Variants in MDGA2 observed in about 807,000 individuals in gnomAD.
MDGA2 encodes MAM domain containing glycosylphosphatidylinositol anchor 2.
In MDGA2, 40 loss-of-function variants were observed where a neutral mutation model predicts 117.8. That is an observed-to-expected ratio of 0.34 (90% CI 0.26 to 0.44). The LOEUF is 0.44. Among genes scored for constraint, MDGA2 ranks in the 20% least tolerant of loss-of-function variants. MDGA2 has a pLI of 1.00. For missense variants in MDGA2, 1,123 were observed against 1,250.6 expected, an observed-to-expected ratio of 0.90 and a Z score of 1.54; for synonymous variants, 452 against 439.0, an observed-to-expected ratio of 1.03 and a Z score of -0.37.
chr14:46,999,057 T>C (rs797000489), intron 8 of MDGA2, among the ~76,000 whole-genome samples: 7 of 152,192 alleles, frequency 4.6e-5, no homozygotes, highest in African/African-American at 1.4e-4. Flanking sequence ...TGAAAAATAT[T>C]ATCTCTGGCA....
chr14:46,871,911 G>A (rs1260630841), intron 14 of MDGA2: 1 of 401,664 alleles, frequency 2.5e-6, no homozygotes, highest in Non-Finnish European at 5.2e-6. Flanking sequence ...ATTTTGAGAG[G>A]CGAAGGTGGG....
chr14:47,577,087 T>C (rs914028939), intron 1 of MDGA2, among the ~76,000 whole-genome samples: 12 of 152,110 alleles, frequency 7.9e-5, no homozygotes, highest in Admixed American at 7.2e-4. Flanking sequence ...AAGTTAATCA[T>C]GTTACTGTGC....
intron 1 of MDGA2, chr14:47,343,036 A>AG: frequency 7.8e-7 from 1 of 1,277,382 alleles, no homozygotes; most frequent in South Asian, 1.2e-5. Flanking sequence ...AGAAGCAGGC[A>AG]GCACTACCGT....
chr14:47,030,058 C>T (rs188469640), intron 8 of MDGA2, among the ~76,000 whole-genome samples: 1 of 151,974 alleles, frequency 6.6e-6, no homozygotes, highest in East Asian at 2.0e-4. Flanking sequence ...AATCTCTTGA[C>T]CTCGTGATCC....
chr14:47,532,152 A>G (rs1477428908), intron 1 of MDGA2, among the ~76,000 whole-genome samples: 3 of 152,180 alleles, frequency 2.0e-5, no homozygotes, highest in African/African-American at 7.2e-5. Flanking sequence ...CTTCGCCTCT[A>G]CATATTTATG....
At chr14:46,859,248 A>G (rs1881409414) in intron 14 of MDGA2, among the ~76,000 whole-genome samples, 1 of 152,132 alleles carries the variant, frequency 6.6e-6, no homozygotes, top group South Asian at 2.1e-4. Context: ...TGAGACTTCA[A>G]TATTCCATGC....
intron 2 of MDGA2, among the ~76,000 whole-genome samples, chr14:47,280,879 A>C (rs1232175967): frequency 6.6e-6 from 1 of 150,622 alleles, no homozygotes. Context: ...TTCAGTATGA[A>C]TCTCTAACAA....
chr14:47,062,929 AAC>A (rs1357571883), intron 6 of MDGA2, among the ~76,000 whole-genome samples: 1 of 152,056 alleles, frequency 6.6e-6, no homozygotes, highest in Non-Finnish European at 1.5e-5. Flanking sequence ...AGATATCAAA[AAC>A]AATGTTTGTG....
chr14:47,021,305 GAAGCTAACCACAAAACAACCA>G (rs1476245357), intron 8 of MDGA2, among the ~76,000 whole-genome samples: 2 of 152,120 alleles, frequency 1.3e-5, no homozygotes, highest in East Asian at 3.9e-4. Context: ...ATTCTAAACA[GAAGCTAACCACAAAACAACCA>G]AAGGGAAAGA....
At chr14:47,407,059 A>T (rs1892274801) in intron 1 of MDGA2, among the ~76,000 whole-genome samples, 2 of 152,000 alleles carry the variant, frequency 1.3e-5, no homozygotes, top group South Asian at 4.1e-4. Flanking sequence ...TCAAAACATT[A>T]TGTAGGTTGT....
intron 1 of MDGA2, among the ~76,000 whole-genome samples, chr14:47,350,306 T>C (rs768981556): frequency 2.0e-5 from 3 of 152,140 alleles, no homozygotes; most frequent in Non-Finnish European, 2.9e-5. Context: ...TCTCATTTTC[T>C]GGGTGGAGTA....
At chr14:47,596,363 A>C (rs1314875598) in intron 1 of MDGA2, among the ~76,000 whole-genome samples, 1 of 152,202 alleles carries the variant, frequency 6.6e-6, no homozygotes, top group African/African-American at 2.4e-5. Context: ...ATAAAGATTT[A>C]GCTCTTCATC....
intron 14 of MDGA2, among the ~76,000 whole-genome samples, chr14:46,868,802 T>C (rs189317624): frequency 4.6e-5 from 7 of 151,960 alleles, no homozygotes; most frequent in Admixed American, 6.6e-5. Flanking sequence ...TAAAGCTATC[T>C]CCTCTTTGAA....
chr14:47,421,431 A>ACAT (rs1364967889), intron 1 of MDGA2, among the ~76,000 whole-genome samples: 2 of 152,194 alleles, frequency 1.3e-5, no homozygotes, highest in African/African-American at 4.8e-5. Context: ...TTTCAGAAAA[A>ACAT]GATGGACAGT....
intron 1 of MDGA2, among the ~76,000 whole-genome samples, chr14:47,302,269 C>T (rs897348216): frequency 6.6e-6 from 1 of 152,156 alleles, no homozygotes; most frequent in Non-Finnish European, 1.5e-5. Context: ...CCTTGACTTA[C>T]ACATCGTTGG....
chr14:47,476,340 A>C (rs2138625571), intron 1 of MDGA2, among the ~76,000 whole-genome samples: 1 of 152,274 alleles, frequency 6.6e-6, no homozygotes, highest in Non-Finnish European at 1.5e-5. Flanking sequence ...AAACAATAAA[A>C]TAATGTTAAA....
intron 1 of MDGA2, among the ~76,000 whole-genome samples, chr14:47,497,482 T>C (rs1415556803): frequency 6.6e-6 from 1 of 152,100 alleles, no homozygotes; most frequent in African/African-American, 2.4e-5. Flanking sequence ...GGTCTCGAAC[T>C]CCTAACCTCA....
At chr14:47,096,320 T>C (rs143607239) in intron 6 of MDGA2, among the ~76,000 whole-genome samples, 66 of 152,188 alleles carry the variant, frequency 4.3e-4, no homozygotes, top group African/African-American at 1.5e-3. Context: ...TCTATATCTT[T>C]TGTTTATTCT....
chr14:47,332,890 T>C (rs1566742650), intron 1 of MDGA2, among the ~76,000 whole-genome samples: 1 of 151,996 alleles, frequency 6.6e-6, no homozygotes, highest in Non-Finnish European at 1.5e-5. Context: ...CTTCCACTAA[T>C]AAGTGAGAAC....
Sources: gnomAD v4.1 joint callset for allele counts (sites outside exome capture counted in the v4.1 genomes callset) on GRCh38, gnomAD v4.1.1 for gene constraint, MANE v1.5 for transcripts, NCBI Gene and HGNC (gene_info 2026-07-23, HGNC 2026-07-21) for gene names.